Variants in PAWR observed in about 807,000 individuals in gnomAD.
The protein encoded by PAWR is PRKC apoptosis WT1 regulator protein.
A neutral mutation model predicts 32.0 loss-of-function variants in PAWR; 23 were observed. That is an observed-to-expected ratio of 0.72 (90% CI 0.52 to 1.02). The LOEUF is 1.02. Among genes scored for constraint, PAWR ranks in the 50% least tolerant of loss-of-function variants. The probability of loss-of-function intolerance (pLI) is 0.00; values close to 1 mark genes in which losing one functional copy is unlikely to be tolerated. For missense variants in PAWR, 457 were observed against 437.7 expected (o/e 1.04, Z -0.39); for synonymous variants, 226 against 187.1 (o/e 1.21, Z -1.70).
Position 79,586,061 on chromosome 12 carries a change from G to C in PAWR, c.*6546C>G, listed in dbSNP as rs1285994107. 3 of 152,072 alleles carry C rather than the reference G, an allele frequency of 2.0e-5. No individual in the cohort carries two copies. Among genetic ancestry groups the C allele is most frequent in the African/African-American group, 7.2e-5 (3 of 41,406 alleles). The allele number at this position is 152,072 out of a possible 1,614,324, so 9.4% of individuals were successfully genotyped here. ...TAGTCATCTCATCAAAATTTTCATT[G>C]ATTTAAATAAGTTAATATGAACAGA... On this transcript the variant is annotated 3_prime_UTR_variant, in exon 7 of 7. Transcript: ENST00000328827.
intron 4 of PAWR, among the ~76,000 whole-genome samples, chr12:79,610,797 G>GA (rs538761570): frequency 1.7e-3 from 235 of 134,348 alleles, no homozygotes; most frequent in African/African-American, 4.5e-3. Context: ...ATTACACATT[G>GA]AAAAAAAAAA....
At chr12:79,626,622 G>T (rs986909370) in intron 2 of PAWR, among the ~76,000 whole-genome samples, 1 of 150,828 alleles carries the variant, frequency 6.6e-6, no homozygotes, top group Admixed American at 6.6e-5. Context: ...TAAGTTTTAG[G>T]GTACATGTGC....
At chr12:79,677,887 G>C (rs1008181215) in intron 2 of PAWR, among the ~76,000 whole-genome samples, 7 of 152,092 alleles carry the variant, frequency 4.6e-5, no homozygotes, top group Admixed American at 2.6e-4. Flanking sequence ...TACAAACTCA[G>C]GGATAACGTT....
Position 79,690,327 on chromosome 12 carries a change from C to T in PAWR, c.-83G>A. The stretch of plus-strand genomic sequence containing the variant: ...CTGCCTCCTCTTCCTTCCTGCGGCC[C>T]CGAGGATGCCAGGAGACGACCTCCA... On this transcript the variant is annotated 5_prime_UTR_variant, in exon 2 of 7. Transcript: ENST00000328827. 1 of 1,360,466 alleles carries T rather than the reference C, an allele frequency of 7.4e-7. No individual in the cohort carries two copies. The highest frequency in any genetic ancestry group is 9.4e-7 in the Non-Finnish European group (1 of 1,060,288). 84.3% of individuals were successfully genotyped at this position (1,360,466 alleles called of 1,614,324 possible).
chr12:79,650,181 T>G (rs906961286), intron 2 of PAWR, among the ~76,000 whole-genome samples: 1 of 152,238 alleles, frequency 6.6e-6, no homozygotes, highest in South Asian at 2.1e-4. Flanking sequence ...TGCAACCATT[T>G]AAAACAATGA....
intron 2 of PAWR, among the ~76,000 whole-genome samples, chr12:79,682,292 G>C (rs1425828914): frequency 6.6e-6 from 1 of 152,066 alleles, no homozygotes; most frequent in Non-Finnish European, 1.5e-5. Flanking sequence ...GGTAGCATTA[G>C]AGGTGTGAGC....
Position 79,596,721 on chromosome 12 carries a change from T to C in PAWR, c.684-63A>G, listed in dbSNP as rs920874527. 5.5e-6 allele frequency: 6 copies of C among 1,096,626 alleles called. No individual in the cohort carries two copies. In the African/African-American group the frequency reaches 9.7e-5, roughly 18 times the overall value. 67.9% of individuals were successfully genotyped at this position (1,096,626 alleles called of 1,614,324 possible). On this transcript the variant is annotated intron_variant, in intron 4 of 6. Coordinates refer to ENST00000328827, the MANE Select transcript of PAWR (RefSeq NM_002583.4). ...TTCAGCAAGAAAAATGCCAAGAATATTTTCTATTGAGCTTAAAAAAATTAA... is the reference window on the plus strand; with the variant it reads ...TTCAGCAAGAAAAATGCCAAGAATACTTTCTATTGAGCTTAAAAAAATTAA...
intron 3 of PAWR, among the ~76,000 whole-genome samples, chr12:79,618,091 A>G (rs1874829800): frequency 1.3e-5 from 2 of 151,750 alleles, no homozygotes; most frequent in Admixed American, 6.6e-5. Context: ...GCAAAGAACA[A>G]CCTATACAGA....
Position 79,689,984 on chromosome 12 carries a change from C to G in PAWR, c.261G>C (p.Gly87=). 7.6e-7 allele frequency: 1 copy of G among 1,322,040 alleles called. No homozygotes were observed. 81.9% of individuals were successfully genotyped at this position (1,322,040 alleles called of 1,614,324 possible). ...CGGAGCCGACCGCGCAGTTCACGCCCCCGGGACCGGGGACGGCAGGTGCGG... is the reference window on the plus strand; with the variant it reads ...CGGAGCCGACCGCGCAGTTCACGCCGCCGGGACCGGGGACGGCAGGTGCGG... The part of the protein sequence containing the change: ...APAAPAVPGP[G]GVNCAVGSAM... The change falls in exon 2 of 7, where the codon GGG becomes GGC. Residue 87 remains glycine (G), a synonymous_variant. Transcript: ENST00000328827.
intron 2 of PAWR, among the ~76,000 whole-genome samples, chr12:79,632,361 A>ATATATTTTTTTT (rs1566011212): frequency 4.9e-5 from 1 of 20,606 alleles, no homozygotes; most frequent in African/African-American, 3.0e-4. Flanking sequence ...ATATATATAT[A>ATATATTTTTTTT]TTTTTTTTTT....
intron 2 of PAWR, among the ~76,000 whole-genome samples, chr12:79,643,137 T>C (rs73345503): frequency 0.011 from 1,678 of 152,282 alleles, 40 homozygotes; most frequent in African/African-American, 0.038. Context: ...CCACCATTTA[T>C]CTTTTACTCA....
At position 79,587,526 on chromosome 12, in the gene PAWR, A is replaced by T. The variant is rs2136665546; in HGVS notation, c.*5081T>A. The stretch of plus-strand genomic sequence containing the variant: ...CATGTAGTTTTAAAACACAATTAAA[A>T]TTTTCAGTCAGGCTGAACTTTTGTG... On this transcript the variant is annotated 3_prime_UTR_variant, in exon 7 of 7. Transcript: ENST00000328827. 1 of 152,114 alleles carries T rather than the reference A, an allele frequency of 6.6e-6. No individual in the cohort carries two copies. The highest frequency in any genetic ancestry group is 1.5e-5 in the Non-Finnish European group (1 of 67,872). 9.4% of individuals were successfully genotyped at this position (152,114 alleles called of 1,614,324 possible).
chr12:79,613,607 C>A lies in PAWR; in HGVS notation c.651G>T (p.Glu217Asp), dbSNP rs921311420. The stretch of plus-strand genomic sequence containing the variant: ...ATCTGCCTGAAACTGTTCTAGGTGG[C>A]TCCTGCAAAGTAAAAATAATTATGT... ...LDPGSSYLLQ[E>D]PPRTVSGRYK... Residue 217 changes from glutamate (E) to aspartate (D), a missense_variant and splice_region_variant, in exon 4 of 7, where the codon GAG becomes GAT. Physicochemically the swap from Glu to Asp is conservative, Grantham distance 45. Transcript: ENST00000328827. The A allele has an allele frequency of 2.0e-6, 3 of 1,533,656 alleles. No individual in the cohort carries two copies. Among genetic ancestry groups the A allele is most frequent in the Admixed American group, 3.4e-5 (2 of 58,786 alleles).
chr12:79,652,983 TA>T (rs1209455607), intron 2 of PAWR, among the ~76,000 whole-genome samples: 1 of 152,180 alleles, frequency 6.6e-6, no homozygotes, highest in Admixed American at 6.5e-5. Flanking sequence ...TACTTTGAGT[TA>T]AAAAAATAAA....
Position 79,690,072 on chromosome 12 carries a change from A to G in PAWR, c.173T>C (p.Leu58Pro). 7.1e-7 allele frequency: 1 copy of G among 1,406,520 alleles called. No homozygotes were observed. Among genetic ancestry groups the G allele is most frequent in the Non-Finnish European group, 9.2e-7 (1 of 1,091,152 alleles). The allele number at this position is 1,406,520 out of a possible 1,614,324, so 87.1% of individuals were successfully genotyped here. A position where few individuals can be genotyped will look rare whatever the true frequency, so the allele number is the denominator to read the frequency against. ...GGCAGCGGCGGCCGCCGGGGTGCCC[A>G]GAGCCCCCGCGGGGGGCTTCCCAGC... is the stretch of plus-strand genomic sequence containing the variant. ...DAAGKPPAGA[L>P]GTPAAAAANE... is the part of the protein sequence containing the mutation. Residue 58 changes from leucine to proline, a missense_variant, in exon 2 of 7, where the codon CTG (leucine) becomes CCG (proline). Leu to Pro is a moderately conservative substitution (Grantham distance 98). Coordinates refer to ENST00000328827, the MANE Select transcript of PAWR (RefSeq NM_002583.4).
intron 2 of PAWR, among the ~76,000 whole-genome samples, chr12:79,664,968 G>A (rs1019285535): frequency 1.3e-5 from 2 of 152,122 alleles, no homozygotes; most frequent in Non-Finnish European, 1.5e-5. Context: ...AACTTGGAAG[G>A]AGGAGCAGCA....
chr12:79,676,886 C>G (rs1463302392), intron 2 of PAWR, among the ~76,000 whole-genome samples: 1 of 152,170 alleles, frequency 6.6e-6, no homozygotes, highest in Non-Finnish European at 1.5e-5. Flanking sequence ...ATCTCACATT[C>G]CCTTCACAAA....
intron 2 of PAWR, among the ~76,000 whole-genome samples, chr12:79,639,705 AC>A (rs1876183960): frequency 6.6e-6 from 1 of 152,244 alleles, no homozygotes; most frequent in South Asian, 2.1e-4. Context: ...TCTATATAAA[AC>A]AAACTAAAAC....
Position 79,648,563 on chromosome 12 carries a change from G to A in PAWR, c.517-27356C>T, listed in dbSNP as rs187015151. Reference sequence around the variant, plus strand: ...TTTGGGAGACCAAGGCGGGGGGATCGCTTGAGCAAAAGAGTTCAAGACCAA... The same window carrying A: ...TTTGGGAGACCAAGGCGGGGGGATCACTTGAGCAAAAGAGTTCAAGACCAA... On this transcript the variant is annotated intron_variant, in intron 2 of 6. Transcript: ENST00000328827. 4.8e-3 allele frequency among the ~76,000 whole-genome samples: 712 copies of A among 149,474 alleles called. 7 individuals are homozygous for A. The highest frequency in any genetic ancestry group is 0.017 in the African/African-American group (673 of 40,178).
Sources: gnomAD v4.1 joint callset for allele counts (sites outside exome capture counted in the v4.1 genomes callset) on GRCh38, gnomAD v4.1.1 for gene constraint, MANE v1.5 for transcripts, NCBI Gene and HGNC (gene_info 2026-07-23, HGNC 2026-07-21) for gene names.